OPCML: variants seen among roughly 807,000 people sequenced by gnomAD.
OPCML encodes opioid-binding protein/cell adhesion molecule.
Under a neutral mutation model 37.8 loss-of-function variants are expected in OPCML, and 13 were observed. The observed-to-expected ratio is 0.34, with a 90% CI of 0.22 to 0.55. The LOEUF (loss-of-function observed/expected upper bound fraction) is 0.55. OPCML is among the 20% of genes least tolerant of loss of function. The pLI is 0.91. For missense variants in OPCML, 341 were observed against 435.6 expected, an observed-to-expected ratio of 0.78 and a Z score of 1.93; for synonymous variants, 176 against 168.8, an observed-to-expected ratio of 1.04 and a Z score of -0.33.
At chr11:132,944,365 G>A (rs1048334505) in intron 1 of OPCML, among the ~76,000 whole-genome samples, 2 of 152,162 alleles carry the variant, frequency 1.3e-5, no homozygotes, top group African/African-American at 4.8e-5. Context: ...CGGTGTGCGT[G>A]TCCATCGCGC....
intron 4 of OPCML, among the ~76,000 whole-genome samples, chr11:132,437,985 A>T (rs1314139352): frequency 6.6e-6 from 1 of 152,244 alleles, no homozygotes; most frequent in Non-Finnish European, 1.5e-5. Flanking sequence ...GCATTGGCCA[A>T]CACAAATGTG....
At chr11:133,131,791 A>T (rs1229810693) in intron 1 of OPCML, among the ~76,000 whole-genome samples, 1 of 152,212 alleles carries the variant, frequency 6.6e-6, no homozygotes, top group African/African-American at 2.4e-5. Flanking sequence ...CCAGATGTCT[A>T]ATTGTATGTT....
intron 2 of OPCML, among the ~76,000 whole-genome samples, chr11:132,698,687 A>C (rs1160115660): frequency 6.6e-6 from 1 of 152,096 alleles, no homozygotes; most frequent in African/African-American, 2.4e-5. Context: ...TTTTGGGATC[A>C]TATCCAAAAA....
At chr11:133,038,909 T>C (rs1215973511) in intron 1 of OPCML, among the ~76,000 whole-genome samples, 1 of 151,974 alleles carries the variant, frequency 6.6e-6, no homozygotes, top group East Asian at 1.9e-4. Context: ...GGTGCCAGAC[T>C]GAGAGCTACA....
At chr11:132,636,579 G>T (rs751964371) in intron 3 of OPCML, among the ~76,000 whole-genome samples, 3 of 152,256 alleles carry the variant, frequency 2.0e-5, no homozygotes, top group African/African-American at 7.2e-5. Context: ...ATTTATTCTG[G>T]CTTTTCTCGG....
At chr11:132,603,160 A>T (rs1938041045) in intron 3 of OPCML, among the ~76,000 whole-genome samples, 1 of 152,038 alleles carries the variant, frequency 6.6e-6, no homozygotes, top group African/African-American at 2.4e-5. Context: ...CTTCTTCCTA[A>T]ATCTGTATGT....
intron 1 of OPCML, among the ~76,000 whole-genome samples, chr11:133,098,326 C>T (rs2137066689): frequency 6.6e-6 from 1 of 151,916 alleles, no homozygotes; most frequent in East Asian, 1.9e-4. Flanking sequence ...TGCCATTCTC[C>T]TGCCTCAGCC....
At chr11:133,027,947 G>A (rs1159621761) in intron 1 of OPCML, among the ~76,000 whole-genome samples, 2 of 151,712 alleles carry the variant, frequency 1.3e-5, no homozygotes, top group East Asian at 3.9e-4. Context: ...CCTCAGCAAA[G>A]TATCAATGTG....
At chr11:132,685,551 A>C (rs1943130751) in intron 2 of OPCML, among the ~76,000 whole-genome samples, 1 of 152,216 alleles carries the variant, frequency 6.6e-6, no homozygotes. Context: ...ATGTTTTAAA[A>C]TGAAATGTAG....
chr11:132,619,830 T>A (rs1479664282), intron 3 of OPCML, among the ~76,000 whole-genome samples: 2 of 129,834 alleles, frequency 1.5e-5, no homozygotes, highest in Non-Finnish European at 3.1e-5. Context: ...CCAATCTGGG[T>A]GACAGAGCCA....
intron 1 of OPCML, among the ~76,000 whole-genome samples, chr11:133,434,118 A>AT (rs901772798): frequency 1.3e-5 from 2 of 152,110 alleles, no homozygotes; most frequent in African/African-American, 4.8e-5. Flanking sequence ...AAAGGAAAGC[A>AT]TTTTTTTGTA....
intron 1 of OPCML, among the ~76,000 whole-genome samples, chr11:133,296,597 G>A (rs12419368): frequency 0.048 from 7,382 of 152,234 alleles, 204 homozygotes; most frequent in Middle Eastern, 0.071. Flanking sequence ...CTGTGCTTTT[G>A]TTTTCCTGAT....
rs543630255 is a variant in OPCML, at chr11:133,465,423, G to A, written c.61+66841C>T. Among the ~76,000 whole-genome samples, 92 of 152,280 alleles carry A rather than the reference G, an allele frequency of 6.0e-4. 3 individuals are homozygous for A. Among genetic ancestry groups the A allele is most frequent in the African/African-American group, 2.1e-3 (87 of 41,550 alleles). On this transcript the variant is annotated intron_variant, in intron 1 of 7. Transcript: ENST00000524381. ...CCAGGGATTAGGACATTTTGGGGTG[G>A]TGGAATGGGCATTATTCTGTCTATC... is the stretch of plus-strand genomic sequence containing the variant.
At chr11:133,361,500 G>A (rs572169814) in intron 1 of OPCML, 2 of 153,604 alleles carry the variant, frequency 1.3e-5, no homozygotes, top group African/African-American at 4.8e-5. Flanking sequence ...AAGAGCAAGC[G>A]GTTCGCCCGC....
chr11:133,501,708 A>G (rs571254767), intron 1 of OPCML, among the ~76,000 whole-genome samples: 1 of 150,644 alleles, frequency 6.6e-6, no homozygotes, highest in Admixed American at 6.6e-5. Flanking sequence ...GGGGCTTCAA[A>G]CGACCTGAGC....
At chr11:133,521,470 C>T (rs540215083) in intron 1 of OPCML, among the ~76,000 whole-genome samples, 1 of 152,322 alleles carries the variant, frequency 6.6e-6, no homozygotes, top group East Asian at 1.9e-4. Context: ...TCTTCATGGA[C>T]ATTGTGGGCT....
chr11:133,192,745 C>T (rs531299527), intron 1 of OPCML, among the ~76,000 whole-genome samples: 28 of 152,230 alleles, frequency 1.8e-4, no homozygotes, highest in African/African-American at 6.7e-4. Context: ...TTGTGAATAT[C>T]AATTTCTATA....
intron 1 of OPCML, among the ~76,000 whole-genome samples, chr11:132,968,923 A>G (rs1011341768): frequency 6.6e-6 from 1 of 152,068 alleles, no homozygotes; most frequent in African/African-American, 2.4e-5. Flanking sequence ...GTGAGAGAGG[A>G]CATCCTTGCC....
At chr11:133,380,881 ACCTGAGGC>A (rs1944915106) in intron 1 of OPCML, among the ~76,000 whole-genome samples, 2 of 152,180 alleles carry the variant, frequency 1.3e-5, no homozygotes, top group Admixed American at 1.3e-4. Context: ...GATGACAGAA[ACCTGAGGC>A]CCTGCTAATT....
Sources: allele counts gnomAD v4.1 joint callset (sites outside exome capture counted in the v4.1 genomes callset), GRCh38; gene constraint gnomAD v4.1.1; transcripts MANE v1.5; gene names NCBI Gene and HGNC (gene_info 2026-07-23, HGNC 2026-07-21).